Variants in ANKS1B observed in about 807,000 individuals in gnomAD.
ANKS1B encodes ankyrin repeat and sterile alpha motif domain-containing protein 1B.
In ANKS1B, 36 loss-of-function variants were observed where a neutral mutation model predicts 148.3. The ratio of observed to expected loss-of-function variants is 0.24; its 90% CI spans 0.19 to 0.32. ANKS1B has a LOEUF of 0.32. Ranked by LOEUF, ANKS1B falls within the 10% of genes least tolerant of loss-of-function variation. The pLI is 1.00. For missense variants in ANKS1B, 1,157 were observed against 1,542.6 expected (o/e 0.75, Z 4.19); for synonymous variants, 542 against 560.8 (o/e 0.97, Z 0.47).
At chr12:99,415,139 TG>T (rs2094855138) in intron 11 of ANKS1B, among the ~76,000 whole-genome samples, 1 of 148,080 alleles carries the variant, frequency 6.8e-6, no homozygotes, top group Non-Finnish European at 1.5e-5. Context: ...CTCCAAACCA[TG>T]GAGTTTGTCC....
intron 12 of ANKS1B, among the ~76,000 whole-genome samples, chr12:99,362,111 C>T (rs1041571161): frequency 6.6e-6 from 1 of 152,002 alleles, no homozygotes; most frequent in African/African-American, 2.4e-5. Context: ...GGACATTGCA[C>T]AGCTTAGTGA....
chr12:99,969,057 C>G (rs2095525887), intron 1 of ANKS1B, among the ~76,000 whole-genome samples: 1 of 152,186 alleles, frequency 6.6e-6, no homozygotes, highest in Non-Finnish European at 1.5e-5. Flanking sequence ...AACACAAGAA[C>G]TGACACACTC....
intron 11 of ANKS1B, among the ~76,000 whole-genome samples, chr12:99,426,858 C>T (rs909969950): frequency 1.3e-5 from 2 of 152,114 alleles, no homozygotes; most frequent in Non-Finnish European, 2.9e-5. Context: ...CCAGCAACAT[C>T]AAAACAAACA....
intron 17 of ANKS1B, among the ~76,000 whole-genome samples, chr12:98,884,652 AGCC>A (rs1486195586): frequency 2.0e-5 from 3 of 149,742 alleles, no homozygotes; most frequent in Non-Finnish European, 4.4e-5. Context: ...ACAAAAAATT[AGCC>A]GGGCGCGGTG....
chr12:99,220,062 C>G (rs1473907183), intron 14 of ANKS1B, among the ~76,000 whole-genome samples: 1 of 152,060 alleles, frequency 6.6e-6, no homozygotes, highest in Non-Finnish European at 1.5e-5. Flanking sequence ...TGCAGTGGCA[C>G]GATCTTGGCT....
chr12:99,753,587 G>C (rs1169766918), intron 8 of ANKS1B, among the ~76,000 whole-genome samples: 2 of 152,102 alleles, frequency 1.3e-5, no homozygotes, highest in African/African-American at 4.8e-5. Flanking sequence ...CTCTTGTAAG[G>C]CAGGTCTGGT....
rs1267107247 is a variant in ANKS1B, at chr12:99,134,643, TCTCACACACACACACACA to T, written c.2526+19628_2526+19645del. Among the ~76,000 whole-genome samples, 109 of 83,152 alleles carry T rather than the reference TCTCACACACACACACACA, an allele frequency of 1.3e-3. 2 individuals carry two copies. Among genetic ancestry groups the T allele is most frequent in the East Asian group, 3.7e-3 (8 of 2,162 alleles). 54.6% of individuals were successfully genotyped at this position (83,152 alleles called of 152,430 possible). On this transcript the variant is annotated intron_variant, in intron 15 of 26. Coordinates refer to ENST00000683438, the MANE Select transcript of ANKS1B (RefSeq NM_001352186.2). ...ATCCCTTTCTGTCTCTCTCTCTCTC[TCTCACACACACACACACA>T]CACACACACACACACACACACACAC... is the stretch of plus-strand genomic sequence containing the variant.
At chr12:99,468,151 T>G (rs1225930992) in intron 10 of ANKS1B, among the ~76,000 whole-genome samples, 1 of 152,116 alleles carries the variant, frequency 6.6e-6, no homozygotes, top group African/African-American at 2.4e-5. Context: ...TACAACTATC[T>G]GATCTTTGAC....
intron 25 of ANKS1B, among the ~76,000 whole-genome samples, chr12:98,752,802 C>A (rs1160006257): frequency 1.3e-5 from 2 of 152,050 alleles, no homozygotes; most frequent in Non-Finnish European, 2.9e-5. Flanking sequence ...GTCCTGGGAG[C>A]ACTTCAACCT....
At chr12:98,775,975 C>T (rs774430330) in intron 24 of ANKS1B, among the ~76,000 whole-genome samples, 4 of 152,226 alleles carry the variant, frequency 2.6e-5, no homozygotes, top group Non-Finnish European at 5.9e-5. Context: ...TCCTAACTGG[C>T]GCTTAAAAGA....
At chr12:99,126,192 A>G (rs1395626108) in intron 15 of ANKS1B, among the ~76,000 whole-genome samples, 2 of 152,168 alleles carry the variant, frequency 1.3e-5, no homozygotes, top group African/African-American at 2.4e-5. Flanking sequence ...TTTTGGGAGA[A>G]GCGAACATGG....
chr12:99,066,280 C>A (rs2044294945), intron 16 of ANKS1B, among the ~76,000 whole-genome samples: 2 of 152,090 alleles, frequency 1.3e-5, no homozygotes, highest in Admixed American at 1.3e-4. Context: ...GAGATTGTGC[C>A]ACTGCACTCC....
At chr12:99,624,893 G>A (rs1357844323) in intron 9 of ANKS1B, among the ~76,000 whole-genome samples, 1 of 152,142 alleles carries the variant, frequency 6.6e-6, no homozygotes. Flanking sequence ...TCCCATTATT[G>A]GGTATATACC....
chr12:99,848,029 C>A (rs2086991997), intron 1 of ANKS1B, among the ~76,000 whole-genome samples: 1 of 151,954 alleles, frequency 6.6e-6, no homozygotes, highest in Non-Finnish European at 1.5e-5. Context: ...CCCAGGGAAG[C>A]CTGAATTGGG....
At chr12:98,764,098 C>T (rs1043990952) in intron 25 of ANKS1B, among the ~76,000 whole-genome samples, 17 of 152,218 alleles carry the variant, frequency 1.1e-4, no homozygotes, top group African/African-American at 3.9e-4. Context: ...AAGAAACATG[C>T]AATCTTTATC....
chr12:98,946,112 C>G (rs573055851), intron 17 of ANKS1B, among the ~76,000 whole-genome samples: 1 of 152,324 alleles, frequency 6.6e-6, no homozygotes, highest in Admixed American at 6.5e-5. Flanking sequence ...GCAACCAAGA[C>G]TGGTTCAGTT....
intron 9 of ANKS1B, among the ~76,000 whole-genome samples, chr12:99,618,370 T>C (rs2097998644): frequency 6.6e-6 from 1 of 152,138 alleles, no homozygotes; most frequent in South Asian, 2.1e-4. Flanking sequence ...CTGCGTTTTT[T>C]CCCCAACAGG....
intron 10 of ANKS1B, among the ~76,000 whole-genome samples, chr12:99,484,764 G>GTTTTTTT (rs565634931): frequency 3.3e-4 from 21 of 63,734 alleles, no homozygotes; most frequent in African/African-American, 1.6e-3. Context: ...GTGTGTGTGT[G>GTTTTTTT]TTTTTTTTTT....
intron 14 of ANKS1B, among the ~76,000 whole-genome samples, chr12:99,167,361 A>G (rs999828594): frequency 7.9e-5 from 12 of 152,144 alleles, no homozygotes; most frequent in Admixed American, 5.2e-4. Flanking sequence ...TATCCAGAAT[A>G]TATAAAGAAC....
Sources: gnomAD v4.1 joint callset for allele counts (sites outside exome capture counted in the v4.1 genomes callset) on GRCh38, gnomAD v4.1.1 for gene constraint, MANE v1.5 for transcripts, NCBI Gene and HGNC (gene_info 2026-07-23, HGNC 2026-07-21) for gene names.